PECR: variants seen among roughly 807,000 people sequenced by gnomAD.
The protein encoded by PECR is peroxisomal trans-2-enoyl-CoA reductase.
A neutral mutation model predicts 35.3 loss-of-function variants in PECR; 30 were observed. That is an observed-to-expected ratio of 0.85 (90% CI 0.64 to 1.15). The LOEUF (loss-of-function observed/expected upper bound fraction) is 1.15. Among genes scored for constraint, PECR ranks in the 50% most tolerant of loss-of-function variants. PECR has a pLI of 0.00. For missense variants in PECR, 392 were observed against 370.8 expected, an observed-to-expected ratio of 1.06 and a Z score of -0.47; for synonymous variants, 148 against 138.9, an observed-to-expected ratio of 1.07 and a Z score of -0.46.
intron 5 of PECR, among the ~76,000 whole-genome samples, chr2:216,050,041 G>A (rs1695074804): frequency 6.6e-6 from 1 of 152,018 alleles, no homozygotes; most frequent in African/African-American, 2.4e-5. Flanking sequence ...AAAATAGGGA[G>A]ACTATGTCTC....
At chr2:216,053,701 T>G (rs941067658) in intron 4 of PECR, among the ~76,000 whole-genome samples, 48 of 152,290 alleles carry the variant, frequency 3.2e-4, no homozygotes, top group African/African-American at 1.1e-3. Flanking sequence ...ATTTTGAGTT[T>G]TCAGATCAGG....
chr2:216,054,356 A>ATTTTTTTTTTTTTTTTTTTTT (rs1695182546), intron 4 of PECR, among the ~76,000 whole-genome samples: 1 of 145,762 alleles, frequency 6.9e-6, no homozygotes, highest in Non-Finnish European at 1.5e-5. Flanking sequence ...AAGGTCACTA[A>ATTTTTTTTTTTTTTTTTTTTT]GTTCTTTTTT....
intron 1 of PECR, among the ~76,000 whole-genome samples, chr2:216,072,194 C>T (rs1695603392): frequency 6.6e-6 from 1 of 152,168 alleles, no homozygotes; most frequent in East Asian, 1.9e-4. Context: ...TAACAGTCTG[C>T]TCCACTCACT....
At chr2:216,042,963 ACACATACG>A (rs1250806119) in intron 7 of PECR, among the ~76,000 whole-genome samples, 9 of 101,362 alleles carry the variant, frequency 8.9e-5, no homozygotes, top group African/African-American at 3.0e-4. Context: ...ATATATATAT[ACACATACG>A]TATATGTGTA....
At chr2:216,079,152 T>C (rs1325742656) in intron 1 of PECR, among the ~76,000 whole-genome samples, 6 of 109,672 alleles carry the variant, frequency 5.5e-5, no homozygotes, top group Non-Finnish European at 1.0e-4. Context: ...ATGTTTTTGC[T>C]TTTTTTTTTT....
chr2:216,055,512 T>C (rs190124836), intron 4 of PECR, among the ~76,000 whole-genome samples: 1 of 149,728 alleles, frequency 6.7e-6, no homozygotes, highest in African/African-American at 2.5e-5. Flanking sequence ...ACCTAGTACA[T>C]AAATATTCCC....
chr2:216,068,701 G>A (rs79591075), intron 1 of PECR, among the ~76,000 whole-genome samples: 3,048 of 151,790 alleles, frequency 0.02, 113 homozygotes, highest in African/African-American at 0.07. Flanking sequence ...GTGCAGTGGC[G>A]ATCTTGGCAC....
chr2:216,079,644 G>A (rs1452397803), intron 1 of PECR, among the ~76,000 whole-genome samples: 1 of 150,142 alleles, frequency 6.7e-6, no homozygotes, highest in African/African-American at 2.4e-5. Flanking sequence ...TGGGATTACA[G>A]GCATGAGCCA....
chr2:216,039,446 G>T, intron 7 of PECR, 86 bp from the exon 8 acceptor site: 2 of 809,572 alleles, frequency 2.5e-6, no homozygotes, highest in South Asian at 1.3e-5. Flanking sequence ...TAATTTCCCT[G>T]GTTCACACAT....
Position 216,039,190 on chromosome 2 carries a change from C to A in PECR, c.*85G>T. The A allele has an allele frequency of 1.3e-6, 1 of 797,562 alleles. No homozygotes were observed. The highest frequency in any genetic ancestry group is 2.3e-6 in the Non-Finnish European group (1 of 443,708). The allele number at this position is 797,562 out of a possible 1,614,324, so 49.4% of individuals were successfully genotyped here. ...AAAAATAAGAAAAATGTTTTCCATA[C>A]CAACTATAAGCTTTTAAAAAGTACA... On this transcript the variant is annotated 3_prime_UTR_variant, in exon 8 of 8. Coordinates refer to ENST00000265322, the MANE Select transcript of PECR (RefSeq NM_018441.6).
chr2:216,052,005 G>A (rs992323486), intron 4 of PECR, among the ~76,000 whole-genome samples: 2 of 152,140 alleles, frequency 1.3e-5, no homozygotes, highest in African/African-American at 4.8e-5. Context: ...TGGCCAACAT[G>A]GTGAAACCCC....
At chr2:216,050,578 C>CCT (rs1695093567) in intron 5 of PECR, among the ~76,000 whole-genome samples, 1 of 152,142 alleles carries the variant, frequency 6.6e-6, no homozygotes, top group African/African-American at 2.4e-5. Context: ...TTGAGTGGCA[C>CCT]AGATAACACC....
chr2:216,046,159 T>C (rs1051724971), intron 6 of PECR, among the ~76,000 whole-genome samples: 1 of 149,982 alleles, frequency 6.7e-6, no homozygotes, highest in Admixed American at 6.6e-5. Context: ...TTAAAGTAAA[T>C]GTTATTTATG....
intron 7 of PECR, among the ~76,000 whole-genome samples, chr2:216,042,995 A>G (rs1694917644): frequency 6.8e-6 from 1 of 146,204 alleles, no homozygotes; most frequent in Non-Finnish European, 1.5e-5. Flanking sequence ...ATATATACAT[A>G]CGTATATGTG....
At chr2:216,079,160 T>TC (rs1305291056) in intron 1 of PECR, among the ~76,000 whole-genome samples, 2 of 151,934 alleles carry the variant, frequency 1.3e-5, no homozygotes, top group Non-Finnish European at 2.9e-5. Flanking sequence ...GCTTTTTTTT[T>TC]TTTTTTTAAC....
chr2:216,067,113 C>T (rs568758574), intron 1 of PECR, among the ~76,000 whole-genome samples: 2 of 152,172 alleles, frequency 1.3e-5, no homozygotes, highest in African/African-American at 4.8e-5. Context: ...GGGAGGGGAA[C>T]ACATTCAGAG....
chr2:216,066,582 C>A lies in PECR; in HGVS notation c.125-64G>T. ...CATGGGATGCAATGACCACATTACACCTTGAAAAGTAAACCGCCAGGGAAC... is the reference window on the plus strand; with the variant it reads ...CATGGGATGCAATGACCACATTACAACTTGAAAAGTAAACCGCCAGGGAAC... On this transcript the variant is annotated intron_variant, in intron 1 of 7. Coordinates refer to ENST00000265322, the MANE Select transcript of PECR (RefSeq NM_018441.6). 3 of 1,486,192 alleles carry A rather than the reference C, an allele frequency of 2.0e-6. No homozygotes were observed. In the Admixed American group the frequency reaches 5.0e-5, roughly 25 times the overall value. 92.1% of individuals were successfully genotyped at this position (1,486,192 alleles called of 1,614,324 possible). A position where few individuals can be genotyped will look rare whatever the true frequency, so the allele number is the denominator to read the frequency against.
chr2:216,035,514 GT>G (rs1283029507), downstream of PECR, among the ~76,000 whole-genome samples: 1 of 150,048 alleles, frequency 6.7e-6, no homozygotes, highest in Non-Finnish European at 1.5e-5. Context: ...TCGAGACAGG[GT>G]CTTACTCTGT....
intron 1 of PECR, among the ~76,000 whole-genome samples, chr2:216,076,641 A>T (rs1020699026): frequency 3.3e-5 from 5 of 152,042 alleles, no homozygotes; most frequent in African/African-American, 9.6e-5. Context: ...CTCTACTAAA[A>T]ACACAAAAAT....
Sources: allele counts gnomAD v4.1 joint callset (sites outside exome capture counted in the v4.1 genomes callset), GRCh38; gene constraint gnomAD v4.1.1; transcripts MANE v1.5; gene names NCBI Gene and HGNC (gene_info 2026-07-23, HGNC 2026-07-21).